The following CDK13 variants were observed in gnomAD, a reference collection of about 807,000 sequenced individuals.
The protein encoded by CDK13 is cyclin-dependent kinase 13.
Under a neutral mutation model 137.6 loss-of-function variants are expected in CDK13, and 40 were observed. The ratio of observed to expected loss-of-function variants is 0.29; its 90% CI spans 0.23 to 0.38. The LOEUF (loss-of-function observed/expected upper bound fraction) is 0.38, where lower values mean the gene tolerates loss of function less well. CDK13 is among the 10% of genes least tolerant of loss of function. The pLI is 1.00. For missense variants in CDK13, 1,704 were observed against 1,951.8 expected, an observed-to-expected ratio of 0.87 and a Z score of 2.39; for synonymous variants, 869 against 760.1, an observed-to-expected ratio of 1.14 and a Z score of -2.36.
intron 5 of CDK13, among the ~76,000 whole-genome samples, chr7:40,039,121 C>G (rs752148607): frequency 7.2e-5 from 11 of 152,024 alleles, no homozygotes; most frequent in Non-Finnish European, 1.5e-4. Context: ...TTTTCTCCCC[C>G]TAATTTAGAG....
chr7:39,966,652 G>T, intron 1 of CDK13, among the ~76,000 whole-genome samples: 1 of 152,182 alleles, frequency 6.6e-6, no homozygotes, highest in Admixed American at 6.5e-5. Flanking sequence ...TCCGTTGCTG[G>T]TGAGGAGCTG....
chr7:40,049,803 T>C (rs1785840251), intron 7 of CDK13, among the ~76,000 whole-genome samples: 1 of 152,190 alleles, frequency 6.6e-6, no homozygotes, highest in Non-Finnish European at 1.5e-5. Context: ...TGAGGTTTTT[T>C]AGATTTCACG....
chr7:40,073,369 A>G (rs1291124901), intron 9 of CDK13, among the ~76,000 whole-genome samples: 5 of 152,100 alleles, frequency 3.3e-5, no homozygotes, highest in African/African-American at 1.2e-4. Flanking sequence ...GCCAGGAATG[A>G]TGACTGACAC....
chr7:40,046,009 A>G lies in CDK13; in HGVS notation c.2527A>G (p.Ile843Val). Residue 843 changes from isoleucine to valine, a missense_variant, in exon 6 of 14, where the codon ATC (isoleucine) becomes GTC (valine). By Grantham distance (29) the Ile-to-Val change is conservative (BLOSUM62 3). Around this residue, in one of 5 missense-constraint regions of CDK13, gnomAD observed 130 missense variants for 362.4 expected, o/e 0.36. Transcript: ENST00000181839. ...FLHRDIKCSN[I>V]LLNNRGQIKL... ...GCATAGAGATATTAAATGTTCCAAT[A>G]TCCTTCTAAATAATAGGTATGGGTA... The G allele has an allele frequency of 6.3e-7, 1 of 1,577,826 alleles. No individual in the cohort carries two copies. The highest frequency in any genetic ancestry group is 8.7e-7 in the Non-Finnish European group (1 of 1,149,406).
At chr7:39,977,147 A>G (rs955029612) in intron 1 of CDK13, among the ~76,000 whole-genome samples, 2 of 152,166 alleles carry the variant, frequency 1.3e-5, no homozygotes, top group Non-Finnish European at 2.9e-5. Context: ...GAGATGGATA[A>G]GCCTTGAATA....
rs1786690157 is a variant in CDK13 at position 40,082,567 on chromosome 7, G to A, written c.3029+3716G>A. Among the ~76,000 whole-genome samples, 4 of 150,754 alleles carry A rather than the reference G, an allele frequency of 2.7e-5. No individual in the cohort carries two copies. In the South Asian group the frequency reaches 8.5e-4, roughly 32 times the overall value. ...GCCTGTAATCTCAGCACTGCAGGAG[G>A]ATCACTTGATGCCAGCAGTTTGAGA... On this transcript the variant is annotated intron_variant, in intron 11 of 13. Transcript: ENST00000181839.
intron 5 of CDK13, among the ~76,000 whole-genome samples, chr7:40,033,582 G>A (rs1282885985): frequency 6.6e-6 from 1 of 152,156 alleles, no homozygotes; most frequent in Non-Finnish European, 1.5e-5. Context: ...GTACCTGTAA[G>A]TATCAGAGGC....
chr7:40,025,231 A>G (rs1407517487), intron 5 of CDK13, among the ~76,000 whole-genome samples: 4 of 152,192 alleles, frequency 2.6e-5, no homozygotes, highest in Non-Finnish European at 4.4e-5. Flanking sequence ...TCAAAGCATT[A>G]TAATACTACA....
chr7:39,962,570 C>T (rs1783772484), intron 1 of CDK13, among the ~76,000 whole-genome samples: 1 of 152,030 alleles, frequency 6.6e-6, no homozygotes, highest in Non-Finnish European at 1.5e-5. Flanking sequence ...AATTTTCTCC[C>T]ATTTTGTAGG....
At chr7:40,080,429 C>T (rs1348469034) in intron 11 of CDK13, among the ~76,000 whole-genome samples, 5 of 152,090 alleles carry the variant, frequency 3.3e-5, no homozygotes, top group African/African-American at 1.2e-4. Context: ...CCTGGTTCTT[C>T]TGCTTATCAG....
chr7:40,029,647 ATTCTTTTTTTTT>A (rs1432234848), intron 5 of CDK13, among the ~76,000 whole-genome samples: 1 of 150,300 alleles, frequency 6.7e-6, no homozygotes, highest in Non-Finnish European at 1.5e-5. Context: ...GAGAGAAAAG[ATTCTTTTTTTTT>A]TTCTTTTTTT....
At chr7:40,066,026 TAAAAC>T (rs1359804310) in intron 9 of CDK13, among the ~76,000 whole-genome samples, 1 of 151,974 alleles carries the variant, frequency 6.6e-6, no homozygotes, top group Non-Finnish European at 1.5e-5. Context: ...CTCTACAAAT[TAAAAC>T]AAACAAACAA....
At chr7:40,040,561 G>A (rs1362164140) in intron 5 of CDK13, among the ~76,000 whole-genome samples, 1 of 152,088 alleles carries the variant, frequency 6.6e-6, no homozygotes, top group Non-Finnish European at 1.5e-5. Flanking sequence ...GTGAAAAATT[G>A]GGCTGTGTCT....
intron 5 of CDK13, among the ~76,000 whole-genome samples, chr7:40,030,797 T>C (rs2150504690): frequency 6.6e-6 from 1 of 152,302 alleles, no homozygotes; most frequent in South Asian, 2.1e-4. Flanking sequence ...TTGGCTTCTT[T>C]TACTTAACAG....
rs1316189700 is a variant in CDK13 at position 39,984,004 on chromosome 7, G to T, written c.1212-3595G>T. ...AAGCACATACTTGTTTTTGAAAGAG[G>T]GGGGTAGATGTTGAATTTGTGTTTG... On this transcript the variant is annotated intron_variant, in intron 1 of 13. Coordinates refer to ENST00000181839, the MANE Select transcript of CDK13 (RefSeq NM_003718.5). 4.6e-5 allele frequency: 7 copies of T among 152,228 alleles called. No individual in the cohort carries two copies. In the East Asian group the frequency reaches 7.7e-4, roughly 17 times the overall value. 9.4% of individuals were successfully genotyped at this position (152,228 alleles called of 1,614,324 possible).
chr7:39,972,478 C>G (rs968434302), intron 1 of CDK13, among the ~76,000 whole-genome samples: 7 of 152,208 alleles, frequency 4.6e-5, no homozygotes, highest in Non-Finnish European at 1.0e-4. Flanking sequence ...TCCCCATTCC[C>G]ACATTCCACA....
chr7:40,083,894 A>G (rs1419921071), intron 11 of CDK13, among the ~76,000 whole-genome samples: 1 of 152,234 alleles, frequency 6.6e-6, no homozygotes, highest in Non-Finnish European at 1.5e-5. Flanking sequence ...CTATTTTGCA[A>G]TATGATATAA....
chr7:39,952,097 G>A, intron 1 of CDK13: 1 of 386,984 alleles, frequency 2.6e-6, no homozygotes, highest in Non-Finnish European at 4.5e-6. Context: ...AGATTTCTAA[G>A]GAAGAATTAA....
chr7:40,094,025 G>A (rs1454876572), intron 13 of CDK13, 105 bp from the exon 14 acceptor site: 3 of 1,324,784 alleles, frequency 2.3e-6, no homozygotes, highest in African/African-American at 3.0e-5. Context: ...GCCAGAGATG[G>A]AACTTCTAAT....
Sources: allele counts gnomAD v4.1 joint callset (sites outside exome capture counted in the v4.1 genomes callset), GRCh38; gene constraint gnomAD v4.1.1; regional missense constraint gnomAD v4.1.1; transcripts MANE v1.5; gene names NCBI Gene and HGNC (gene_info 2026-07-23, HGNC 2026-07-21).